MASP1: variants seen among roughly 807,000 people sequenced by gnomAD.
The protein encoded by MASP1 is mannan-binding lectin serine protease 1.
A neutral mutation model predicts 77.1 loss-of-function variants in MASP1; 59 were observed. The ratio of observed to expected loss-of-function variants is 0.77; its 90% CI spans 0.62 to 0.95. The LOEUF (loss-of-function observed/expected upper bound fraction) is 0.95, where lower values mean the gene tolerates loss of function less well. Among genes scored for constraint, MASP1 ranks in the 40% least tolerant of loss-of-function variants. MASP1 has a pLI of 0.00. For synonymous variants in MASP1, 362 were observed against 354.5 expected, an observed-to-expected ratio of 1.02 and a Z score of -0.24; for missense variants, 885 against 912.9, an observed-to-expected ratio of 0.97 and a Z score of 0.39.
At chr3:187,225,403 A>T (rs1178190935) in exon 13 of MASP1, 3 of 1,613,994 alleles carry the variant, frequency 1.9e-6, no homozygotes, top group Non-Finnish European at 2.5e-6. Context: ...GCTCCACCAG[A>T]GCCACGTCAT....
At position 187,235,399 on chromosome 3, in the gene MASP1, G is replaced by A. The variant is rs555205235; in HGVS notation, c.*285C>T. 4.8e-6 allele frequency: 7 copies of A among 1,464,996 alleles called. No individual in the cohort carries two copies. In the Admixed American group the frequency reaches 6.2e-5, roughly 13 times the overall value. 90.7% of individuals were successfully genotyped at this position (1,464,996 alleles called of 1,614,324 possible). A position where few individuals can be genotyped will look rare whatever the true frequency, so the allele number is the denominator to read the frequency against. On this transcript the variant is annotated 3_prime_UTR_variant, in exon 11 of 11. Coordinates refer to ENST00000296280, the MANE Select transcript of MASP1 (RefSeq NM_139125.4). Reference sequence around the variant, plus strand: ...TGGCCTGGAAAGGAGTGCTGGGATTGGCACAGAGGCCTTGGTTGAGCTCCT... The same window carrying A: ...TGGCCTGGAAAGGAGTGCTGGGATTAGCACAGAGGCCTTGGTTGAGCTCCT...
chr3:187,256,869 A>C lies in MASP1; in HGVS notation c.548-9T>G. On this transcript the variant is annotated splice_polypyrimidine_tract_variant and intron_variant, in intron 4 of 10. Coordinates refer to ENST00000296280, the MANE Select transcript of MASP1 (RefSeq NM_139125.4). ...GTTGTCACTGCACTCCACTGTTGGA[A>C]ACATAATAGAGAAAATGGCGCATCG... is the stretch of plus-strand genomic sequence containing the variant. 1.2e-6 allele frequency: 2 copies of C among 1,613,224 alleles called. No homozygotes were observed. Among genetic ancestry groups the C allele is most frequent in the Non-Finnish European group, 1.7e-6 (2 of 1,179,386 alleles).
chr3:187,254,234 T>C (rs1714876309), intron 5 of MASP1, among the ~76,000 whole-genome samples: 1 of 152,246 alleles, frequency 6.6e-6, no homozygotes, highest in African/African-American at 2.4e-5. Flanking sequence ...ATGTTTATAA[T>C]TGATGTAAAA....
chr3:187,267,648 AT>A (rs1382286932), intron 2 of MASP1, among the ~76,000 whole-genome samples: 1 of 152,224 alleles, frequency 6.6e-6, no homozygotes, highest in African/African-American at 2.4e-5. Context: ...ACAGTGGCCC[AT>A]GCCTATCATC....
chr3:187,289,700 G>A (rs892571621), intron 1 of MASP1, among the ~76,000 whole-genome samples: 7 of 152,326 alleles, frequency 4.6e-5, no homozygotes, highest in Middle Eastern at 3.4e-3. Flanking sequence ...ATTATGAGCC[G>A]TCAGTTTAGA....
intron 2 of MASP1, chr3:187,263,058 A>T (rs1715733731): frequency 3.1e-6 from 1 of 318,916 alleles, no homozygotes. Flanking sequence ...GCACAACAGG[A>T]ACTTACCACA....
exon 16 of MASP1, chr3:187,217,977 G>A (rs1057459449): frequency 2.0e-5 from 3 of 152,184 alleles, no homozygotes; most frequent in Non-Finnish European, 4.4e-5. Flanking sequence ...CTGGACATGT[G>A]TTTTTGTGGG....
At chr3:187,273,122 T>A (rs1234623454) in intron 2 of MASP1, among the ~76,000 whole-genome samples, 1 of 152,128 alleles carries the variant, frequency 6.6e-6, no homozygotes. Context: ...CTTCATGCAT[T>A]TGGAGAACAT....
chr3:187,236,555 G>A lies in MASP1; in HGVS notation c.1316C>T (p.Pro439Leu). ...GACCAGGCTTGGCAGGGAGCGGGAG[G>A]GCTGACCACACTCTGTAAGGAGAAA... ...LPTCLPECGQ[P>L]SRSLPSLVKR... The change falls in exon 11 of 11, where the codon CCC (proline) becomes CTC (leucine). Residue 439 changes from proline to leucine, a missense_variant. Physicochemically the swap from Pro to Leu is moderately conservative, Grantham distance 98 (BLOSUM62 -3). Coordinates refer to ENST00000296280, the MANE Select transcript of MASP1 (RefSeq NM_139125.4). The A allele has an allele frequency of 1.9e-6, 3 of 1,613,910 alleles. No individual in the cohort carries two copies. In the South Asian group the frequency reaches 3.3e-5, roughly 18 times the overall value.
chr3:187,240,989 T>G (rs1289024229), intron 10 of MASP1, among the ~76,000 whole-genome samples: 1 of 152,196 alleles, frequency 6.6e-6, no homozygotes, highest in Non-Finnish European at 1.5e-5. Context: ...ACAGTAACAC[T>G]TCCTGTTACC....
intron 11 of MASP1, chr3:187,226,605 C>T (rs1712450832): frequency 1.1e-6 from 1 of 895,392 alleles, no homozygotes; most frequent in Admixed American, 2.0e-5. Flanking sequence ...TCAGGCTACT[C>T]CAGAGGACCC....
chr3:187,246,446 C>A (rs1268638251), intron 8 of MASP1: 23 of 985,302 alleles, frequency 2.3e-5, no homozygotes, highest in Non-Finnish European at 2.8e-5. Context: ...CCGAGAATGG[C>A]ACCTCAGTCT....
At chr3:187,232,959 T>C (rs1474383634), downstream of MASP1, among the ~76,000 whole-genome samples, 1 of 152,182 alleles carries the variant, frequency 6.6e-6, no homozygotes, top group East Asian at 1.9e-4. Context: ...GAGACTTCAC[T>C]ATCACGTGCC....
At chr3:187,285,138 C>T (rs142355337) in intron 2 of MASP1, among the ~76,000 whole-genome samples, 2 of 130,552 alleles carry the variant, frequency 1.5e-5, no homozygotes, top group African/African-American at 6.2e-5. Context: ...AAAAGAAGAA[C>T]AGCTTCCCAC....
Position 187,235,076 on chromosome 3 carries a change from C to T in MASP1, c.*608G>A. 1 of 1,287,280 alleles carries T rather than the reference C, an allele frequency of 7.8e-7. No individual in the cohort carries two copies. The highest frequency in any genetic ancestry group is 1.0e-6 in the Non-Finnish European group (1 of 988,722). 79.7% of individuals were successfully genotyped at this position (1,287,280 alleles called of 1,614,324 possible). ...GGGAACATAAGGGATAAGGCTTAGA[C>T]TGCAAGAAGCTTTTGGGAGAGAAAC... On this transcript the variant is annotated 3_prime_UTR_variant, in exon 11 of 11. Coordinates refer to ENST00000296280, the MANE Select transcript of MASP1 (RefSeq NM_139125.4).
chr3:187,221,881 G>T (rs1033123526), intron 14 of MASP1, among the ~76,000 whole-genome samples: 1 of 152,160 alleles, frequency 6.6e-6, no homozygotes, highest in Non-Finnish European at 1.5e-5. Flanking sequence ...GACTATTATT[G>T]CCCTTGATCC....
At chr3:187,262,803 G>T in intron 2 of MASP1, 83 bp from the exon 3 acceptor site, 1 of 1,324,438 alleles carries the variant, frequency 7.6e-7, no homozygotes, top group East Asian at 2.3e-5. Flanking sequence ...AAAAAGGAAG[G>T]GGCCACCCAA....
chr3:187,279,717 C>T (rs1195948132), intron 2 of MASP1, among the ~76,000 whole-genome samples: 2 of 152,188 alleles, frequency 1.3e-5, no homozygotes, highest in African/African-American at 4.8e-5. Context: ...TTGATGGTAG[C>T]TCTGCTAAGA....
At chr3:187,217,460 G>C (rs1711833895) in exon 16 of MASP1, 1 of 152,210 alleles carries the variant, frequency 6.6e-6, no homozygotes, top group South Asian at 2.1e-4. Context: ...GTTGCACAAA[G>C]AGGAGACCTT....
Sources: allele counts gnomAD v4.1 joint callset (sites outside exome capture counted in the v4.1 genomes callset), GRCh38; gene constraint gnomAD v4.1.1; transcripts MANE v1.5; gene names NCBI Gene and HGNC (gene_info 2026-07-23, HGNC 2026-07-21).